CAMK1D: variants seen among roughly 807,000 people sequenced by gnomAD.
CAMK1D encodes calcium/calmodulin-dependent protein kinase type 1D.
A neutral mutation model predicts 47.7 loss-of-function variants in CAMK1D; 9 were observed. The ratio of observed to expected loss-of-function variants is 0.19; its 90% confidence interval spans 0.11 to 0.33. The LOEUF is 0.33. CAMK1D is among the 10% of genes least tolerant of loss of function. CAMK1D has a pLI of 1.00. For synonymous variants in CAMK1D, 184 were observed against 184.9 expected, an observed-to-expected ratio of 0.99 and a Z score of 0.04; for missense variants, 291 against 488.7, an observed-to-expected ratio of 0.60 and a Z score of 3.81.
chr10:12,577,127 G>C (rs1303777322), intron 2 of CAMK1D, among the ~76,000 whole-genome samples: 1 of 152,202 alleles, frequency 6.6e-6, no homozygotes, highest in African/African-American at 2.4e-5. Flanking sequence ...TCTGTATGCT[G>C]AAGCCCTCTG....
chr10:12,828,249 CA>C (rs1055694051), intron 10 of CAMK1D, among the ~76,000 whole-genome samples: 210 of 151,412 alleles, frequency 1.4e-3, no homozygotes, highest in African/African-American at 4.9e-3. Flanking sequence ...AAAATTACAC[CA>C]AAAAAAAGGA....
At chr10:12,442,854 G>A (rs1832821057) in intron 1 of CAMK1D, among the ~76,000 whole-genome samples, 1 of 152,214 alleles carries the variant, frequency 6.6e-6, no homozygotes, top group East Asian at 1.9e-4. Flanking sequence ...TTAGATGTGA[G>A]TATATTTGGA....
chr10:12,736,503 T>C (rs376522393), intron 3 of CAMK1D, among the ~76,000 whole-genome samples: 107 of 152,364 alleles, frequency 7.0e-4, no homozygotes, highest in African/African-American at 2.5e-3. Context: ...CAAATTATAA[T>C]ATCCTTGAAA....
Position 12,743,355 on chromosome 10 carries a change from A to AAAAAAAAAAAAAAAAAG in CAMK1D, c.300-17589_300-17588insAAAAAAAAAAAAGAAAA, listed in dbSNP as rs1461631779. On this transcript the variant is annotated intron_variant, in intron 3 of 10. Transcript: ENST00000619168. ...GGGTAAGACCCTGTCTCAAAAAAAAAAAAAGAAAAAAGAAAAAAAGAAAAA... is the reference window on the plus strand; with the variant it reads ...GGGTAAGACCCTGTCTCAAAAAAAAAAAAAAAAAAAAAAAAAGAAAAGAAAAAAGAAAAAAAGAAAAA... 6.4e-3 allele frequency among the ~76,000 whole-genome samples: 757 copies of AAAAAAAAAAAAAAAAAG among 117,718 alleles called. 4 individuals are homozygous for AAAAAAAAAAAAAAAAAG. The highest frequency in any genetic ancestry group is 0.021 in the African/African-American group (716 of 34,874). 77.2% of individuals were successfully genotyped at this position (117,718 alleles called of 152,430 possible).
chr10:12,452,381 T>A (rs1486189467), intron 1 of CAMK1D, among the ~76,000 whole-genome samples: 1 of 151,886 alleles, frequency 6.6e-6, no homozygotes, highest in African/African-American at 2.4e-5. Flanking sequence ...CATAAGGAAA[T>A]TTCTCAGAAT....
chr10:12,410,472 T>C (rs1839620060), intron 1 of CAMK1D, among the ~76,000 whole-genome samples: 1 of 152,240 alleles, frequency 6.6e-6, no homozygotes, highest in African/African-American at 2.4e-5. Flanking sequence ...GGCCCTCCAT[T>C]ACTCTCAGAG....
At chr10:12,806,852 A>G (rs910786603) in intron 6 of CAMK1D, among the ~76,000 whole-genome samples, 17 of 152,112 alleles carry the variant, frequency 1.1e-4, no homozygotes, top group African/African-American at 4.1e-4. Context: ...ACATACATAC[A>G]TGCTTCAATA....
At chr10:12,445,213 G>A (rs1832892868) in intron 1 of CAMK1D, among the ~76,000 whole-genome samples, 1 of 152,152 alleles carries the variant, frequency 6.6e-6, no homozygotes, top group Non-Finnish European at 1.5e-5. Flanking sequence ...AGGTGTGTCC[G>A]ATCCTCCCTT....
chr10:12,734,342 AAAAATATATATAT>A (rs1232145909), intron 3 of CAMK1D, among the ~76,000 whole-genome samples: 457 of 18,210 alleles, frequency 0.025, 3 homozygotes, highest in Non-Finnish European at 0.035. Context: ...AAAAAAAAAA[AAAAATATATATAT>A]ATATATATAT....
At chr10:12,686,691 G>T (rs1369960975) in intron 3 of CAMK1D, among the ~76,000 whole-genome samples, 1 of 152,142 alleles carries the variant, frequency 6.6e-6, no homozygotes, top group Admixed American at 6.5e-5. Context: ...TGTACAGGAA[G>T]TGTCCGGAGG....
chr10:12,547,682 T>TCTCTCTCTCACACACACACACACA (rs10643491), intron 1 of CAMK1D, among the ~76,000 whole-genome samples: 3 of 116,574 alleles, frequency 2.6e-5, no homozygotes, highest in African/African-American at 1.1e-4. Flanking sequence ...TTTCTCTCTC[T>TCTCTCTCTCACACACACACACACA]CACACACACA....
chr10:12,667,604 C>T (rs1001425610), intron 3 of CAMK1D, among the ~76,000 whole-genome samples: 6 of 152,116 alleles, frequency 3.9e-5, no homozygotes, highest in Admixed American at 1.3e-4. Context: ...TTAACCATTA[C>T]CTGAATAAAT....
chr10:12,547,982 G>T (rs1836451724), intron 1 of CAMK1D, among the ~76,000 whole-genome samples: 1 of 152,176 alleles, frequency 6.6e-6, no homozygotes, highest in African/African-American at 2.4e-5. Flanking sequence ...TGACGACAGG[G>T]TCTTCTAACC....
chr10:12,643,611 C>T (rs931641325), intron 2 of CAMK1D, among the ~76,000 whole-genome samples: 4 of 152,158 alleles, frequency 2.6e-5, no homozygotes, highest in East Asian at 1.9e-4. Context: ...GGGCTAGGTG[C>T]GGTGGCTCAC....
chr10:12,454,001 G>GA (rs1833165279), intron 1 of CAMK1D, among the ~76,000 whole-genome samples: 1 of 152,116 alleles, frequency 6.6e-6, no homozygotes, highest in African/African-American at 2.4e-5. Flanking sequence ...GCAGAGCTCT[G>GA]GGGGGGCTGT....
At chr10:12,381,614 C>G (rs1290358902) in intron 1 of CAMK1D, among the ~76,000 whole-genome samples, 1 of 152,228 alleles carries the variant, frequency 6.6e-6, no homozygotes, top group East Asian at 1.9e-4. Context: ...GTTTGAGCCA[C>G]TGCACCCAGC....
intron 1 of CAMK1D, among the ~76,000 whole-genome samples, chr10:12,416,371 G>T (rs984670616): frequency 6.6e-6 from 1 of 152,176 alleles, no homozygotes; most frequent in African/African-American, 2.4e-5. Flanking sequence ...GCATTTTGTC[G>T]GTGTATGTAA....
intron 6 of CAMK1D, among the ~76,000 whole-genome samples, chr10:12,801,275 A>T (rs563079651): frequency 1.4e-5 from 2 of 147,050 alleles, no homozygotes; most frequent in African/African-American, 5.1e-5. Context: ...CCGTCCATCC[A>T]TCCATATTTC....
chr10:12,798,982 C>G (rs973732776), intron 6 of CAMK1D, among the ~76,000 whole-genome samples: 7 of 152,078 alleles, frequency 4.6e-5, no homozygotes, highest in African/African-American at 1.7e-4. Flanking sequence ...GGGAAAATGC[C>G]CAGCTCCACG....
Sources: gnomAD v4.1 joint callset for allele counts (sites outside exome capture counted in the v4.1 genomes callset) on GRCh38, gnomAD v4.1.1 for gene constraint, MANE v1.5 for transcripts, NCBI Gene and HGNC (gene_info 2026-07-23, HGNC 2026-07-21) for gene names.